Variants in PPP1R12B observed in about 807,000 individuals in gnomAD.
PPP1R12B encodes protein phosphatase 1 regulatory subunit 12B, also known as myosin phosphatase target subunit 2.
In PPP1R12B, 76 loss-of-function variants were observed where a neutral mutation model predicts 126.1. The observed-to-expected ratio is 0.60, with a 90% confidence interval of 0.50 to 0.73. The LOEUF (loss-of-function observed/expected upper bound fraction) is 0.73, where lower values mean the gene tolerates loss of function less well. Ranked by LOEUF, PPP1R12B falls within the 30% of genes least tolerant of loss-of-function variation. The pLI is 0.00. For missense variants in PPP1R12B, 1,052 were observed against 1,205.1 expected, an observed-to-expected ratio of 0.87 and a Z score of 1.88; for synonymous variants, 356 against 434.7, an observed-to-expected ratio of 0.82 and a Z score of 2.25.
At chr1:202,400,274 A>G (rs1000278990) in intron 1 of PPP1R12B, among the ~76,000 whole-genome samples, 1 of 152,212 alleles carries the variant, frequency 6.6e-6, no homozygotes, top group African/African-American at 2.4e-5. Context: ...TGTTAATATC[A>G]TTAAGCAAAT....
At chr1:202,544,081 G>A (rs1685405993) in intron 18 of PPP1R12B, among the ~76,000 whole-genome samples, 1 of 152,114 alleles carries the variant, frequency 6.6e-6, no homozygotes, top group Non-Finnish European at 1.5e-5. Context: ...ACCACACCAG[G>A]TAGATATTGA....
chr1:202,509,406 A>T (rs556140278), intron 18 of PPP1R12B, among the ~76,000 whole-genome samples: 1 of 152,228 alleles, frequency 6.6e-6, no homozygotes, highest in East Asian at 1.9e-4. Flanking sequence ...GTTTTAGTTC[A>T]TTACCTTTTG....
intron 11 of PPP1R12B, among the ~76,000 whole-genome samples, chr1:202,441,188 C>G (rs569026214): frequency 6.6e-6 from 1 of 152,186 alleles, no homozygotes; most frequent in Non-Finnish European, 1.5e-5. Flanking sequence ...TCTAATTTGT[C>G]AGAAGGTAAA....
rs374431450 is a variant in PPP1R12B, at chr1:202,427,031, T to G, written c.702-9T>G. ...AAGATATATGTCTTGTTTTGGGTTT[T>G]CTTTTTAGACTTTTAATTCAGGCTG... On this transcript the variant is annotated splice_polypyrimidine_tract_variant and intron_variant, in intron 4 of 23. Transcript: ENST00000608999. 1.9e-5 allele frequency: 30 copies of G among 1,607,692 alleles called. No individual in the cohort carries two copies. The African/African-American group carries it at 3.8e-4, about 20-fold the overall frequency.
At chr1:202,368,482 C>T (rs1659679161) in intron 1 of PPP1R12B, among the ~76,000 whole-genome samples, 2 of 152,094 alleles carry the variant, frequency 1.3e-5, no homozygotes, top group Admixed American at 1.3e-4. Flanking sequence ...TAGTCAGCCT[C>T]AGGTATTTCT....
intron 14 of PPP1R12B, among the ~76,000 whole-genome samples, chr1:202,491,705 A>G (rs1321993772): frequency 3.3e-5 from 5 of 152,184 alleles, no homozygotes; most frequent in Non-Finnish European, 7.4e-5. Flanking sequence ...GAACATAGAA[A>G]CGTCTTAGAG....
intron 13 of PPP1R12B, among the ~76,000 whole-genome samples, chr1:202,482,667 A>G (rs1158993378): frequency 2.0e-5 from 3 of 152,120 alleles, no homozygotes; most frequent in African/African-American, 7.2e-5. Flanking sequence ...ATAGTTTGCA[A>G]ATTTTCTTTC....
At chr1:202,542,259 G>C (rs1438612501) in intron 18 of PPP1R12B, among the ~76,000 whole-genome samples, 1 of 152,124 alleles carries the variant, frequency 6.6e-6, no homozygotes, top group Non-Finnish European at 1.5e-5. Flanking sequence ...TTTTGTGATG[G>C]TGTTGTGCTC....
At chr1:202,567,312 T>C (rs1370799900) in intron 21 of PPP1R12B, 2 of 155,018 alleles carry the variant, frequency 1.3e-5, no homozygotes, top group African/African-American at 4.8e-5. Flanking sequence ...GGAAAGGGGA[T>C]TATTTAGACA....
intron 1 of PPP1R12B, among the ~76,000 whole-genome samples, chr1:202,355,658 C>G (rs1281822784): frequency 4.6e-5 from 7 of 151,984 alleles, no homozygotes; most frequent in Non-Finnish European, 1.5e-5. Flanking sequence ...TGAGCAGGGT[C>G]GTTACCCAAC....
chr1:202,351,715 A>G (rs139321446), intron 1 of PPP1R12B, among the ~76,000 whole-genome samples: 404 of 152,302 alleles, frequency 2.7e-3, no homozygotes, highest in Non-Finnish European at 4.6e-3. Context: ...CACGATATAA[A>G]TTATCTGGAT....
intron 1 of PPP1R12B, chr1:202,370,137 A>G: frequency 4.0e-6 from 1 of 250,612 alleles, no homozygotes; most frequent in Non-Finnish European, 7.9e-6. Context: ...CTTTCTCAAC[A>G]TCACCCATAT....
intron 1 of PPP1R12B, among the ~76,000 whole-genome samples, chr1:202,405,922 A>G (rs984855806): frequency 5.9e-5 from 9 of 152,140 alleles, no homozygotes; most frequent in African/African-American, 2.2e-4. Flanking sequence ...GAAAATAATA[A>G]CCTTTTATTT....
At chr1:202,475,798 C>T (rs1287361588) in intron 13 of PPP1R12B, among the ~76,000 whole-genome samples, 1 of 151,932 alleles carries the variant, frequency 6.6e-6, no homozygotes, top group Non-Finnish European at 1.5e-5. Flanking sequence ...TAAGTCTGTC[C>T]CCCTGCCCCG....
chr1:202,444,196 A>G (rs1671963597), intron 12 of PPP1R12B, among the ~76,000 whole-genome samples: 1 of 152,192 alleles, frequency 6.6e-6, no homozygotes, highest in Non-Finnish European at 1.5e-5. Flanking sequence ...TGAGAATGAG[A>G]GTTCATCTCT....
intron 13 of PPP1R12B, among the ~76,000 whole-genome samples, chr1:202,477,308 C>T (rs1676793984): frequency 6.6e-6 from 1 of 152,142 alleles, no homozygotes; most frequent in Non-Finnish European, 1.5e-5. Context: ...CTGTATATAT[C>T]TGTTACAACT....
chr1:202,559,323 C>G (rs1490010917), intron 19 of PPP1R12B, among the ~76,000 whole-genome samples: 2 of 152,092 alleles, frequency 1.3e-5, no homozygotes, highest in African/African-American at 4.8e-5. Context: ...CAGAGAAGAG[C>G]AATTAATCTA....
At chr1:202,575,087 T>G (rs746373751) in intron 23 of PPP1R12B, 1 of 1,613,522 alleles carries the variant, frequency 6.2e-7, no homozygotes, top group Non-Finnish European at 8.5e-7. Flanking sequence ...ACCCGAGTGG[T>G]GGCCAGACTC....
At chr1:202,443,626 A>T (rs1007094151) in intron 12 of PPP1R12B, among the ~76,000 whole-genome samples, 96 of 152,340 alleles carry the variant, frequency 6.3e-4, no homozygotes, top group African/African-American at 2.1e-3. Flanking sequence ...TACACAAAAG[A>T]GGTGTTTCTT....
Sources: gnomAD v4.1 joint callset for allele counts (sites outside exome capture counted in the v4.1 genomes callset) on GRCh38, gnomAD v4.1.1 for gene constraint, MANE v1.5 for transcripts, NCBI Gene and HGNC (gene_info 2026-07-23, HGNC 2026-07-21) for gene names.